The following PCDHA6 variants were observed in gnomAD, a reference collection of about 807,000 sequenced individuals.
PCDHA6 encodes protocadherin alpha-6.
A neutral mutation model predicts 60.3 loss-of-function variants in PCDHA6; 55 were observed. That is an observed-to-expected ratio of 0.91 (90% CI 0.73 to 1.14). The LOEUF (loss-of-function observed/expected upper bound fraction) is 1.14. Among genes scored for constraint, PCDHA6 ranks in the 50% most tolerant of loss-of-function variants. The pLI, the probability that PCDHA6 is intolerant of heterozygous loss-of-function variation, is 0.00. For missense variants in PCDHA6, 1,327 were observed against 1,256.5 expected (o/e 1.06, Z -0.85); for synonymous variants, 652 against 557.9 (o/e 1.17, Z -2.38).
chr5:140,862,825 C>G (rs782012901), intron 1 of PCDHA6: 2 of 572,056 alleles, frequency 3.5e-6, no homozygotes, highest in South Asian at 2.7e-5. Flanking sequence ...GGTGAGAGCG[C>G]GCGACGCGGG....
intron 1 of PCDHA6, chr5:140,968,545 G>C: frequency 6.2e-7 from 1 of 1,614,182 alleles, no homozygotes; most frequent in Non-Finnish European, 8.5e-7. Flanking sequence ...CCTTCGAGAT[G>C]GTGCCTCGAA....
intron 1 of PCDHA6, among the ~76,000 whole-genome samples, chr5:140,916,262 G>C (rs1379588605): frequency 6.6e-6 from 1 of 152,202 alleles, no homozygotes; most frequent in Non-Finnish European, 1.5e-5. Flanking sequence ...GACCCCAAGA[G>C]CATGCTTGTT....
Position 140,829,769 on chromosome 5 carries a change from G to T in PCDHA6, c.1678G>T (p.Asp560Tyr). The T allele has an allele frequency of 1.2e-6, 2 of 1,613,778 alleles. No homozygotes were observed. The highest frequency in any genetic ancestry group is 8.5e-7 in the Non-Finnish European group (1 of 1,179,878). ...GCAGGTGTTCGTGCTGGACGAGAAC[G>T]ACAACGCGCCGGCGCTGCTGGCGCC... ...TLQVFVLDENDNAPALLAPRV... is the reference protein window; with the variant it reads ...TLQVFVLDENYNAPALLAPRV... The change falls in exon 1 of 4, where the codon GAC becomes TAC. Residue 560 changes from aspartate to tyrosine, a missense_variant. By Grantham distance (160) the Asp-to-Tyr change is radical. Coordinates refer to ENST00000529310, the MANE Select transcript of PCDHA6 (RefSeq NM_018909.4).
intron 1 of PCDHA6, among the ~76,000 whole-genome samples, chr5:140,939,502 T>A (rs781895675): frequency 2.7e-5 from 4 of 150,818 alleles, no homozygotes; most frequent in Non-Finnish European, 5.9e-5. Flanking sequence ...AAATTCAATG[T>A]CTATAACATT....
chr5:140,905,809 A>C (rs1349964349), intron 1 of PCDHA6, among the ~76,000 whole-genome samples: 1 of 152,184 alleles, frequency 6.6e-6, no homozygotes, highest in East Asian at 1.9e-4. Context: ...GGACAGAATT[A>C]ATAGGCTAGA....
Position 140,830,288 on chromosome 5 carries a change from A to T in PCDHA6, c.2197A>T (p.Thr733Ser). Residue 733 changes from threonine to serine, a missense_variant, in exon 1 of 4, where the codon ACG (threonine) becomes TCG (serine). Thr to Ser is a moderately conservative substitution (Grantham distance 58). Transcript: ENST00000529310. ...CSAPPTEGAC[T>S]ADKPTLVCSS... The stretch of plus-strand genomic sequence containing the variant: ...GGCGCCACCCACCGAGGGCGCGTGC[A>T]CGGCGGACAAGCCCACGCTGGTGTG... The T allele has an allele frequency of 6.2e-7, 1 of 1,613,814 alleles. No individual in the cohort carries two copies. Among genetic ancestry groups the T allele is most frequent in the Non-Finnish European group, 8.5e-7 (1 of 1,179,856 alleles).
chr5:140,834,395 G>C, intron 1 of PCDHA6: 1 of 1,598,712 alleles, frequency 6.3e-7, no homozygotes, highest in Non-Finnish European at 8.5e-7. Flanking sequence ...TGGTGTGCCC[G>C]AATGGATACG....
rs2150253350 is a variant in PCDHA6 at position 140,836,122 on chromosome 5, T to C, written c.2394+5637T>C. Reference sequence around the variant, plus strand: ...GGCACTGGTGGCGCAGTGAGAGAGCTTGTGCCGCGGTCTGTGGGCGCGGGC... The same window carrying C: ...GGCACTGGTGGCGCAGTGAGAGAGCCTGTGCCGCGGTCTGTGGGCGCGGGC... On this transcript the variant is annotated intron_variant, in intron 1 of 3. Transcript: ENST00000529310. 2.0e-5 allele frequency: 32 copies of C among 1,613,580 alleles called. 2 individuals are homozygous for C. The Admixed American group carries it at 3.3e-4, about 17-fold the overall frequency.
At chr5:140,849,071 T>C (rs2150430032) in intron 1 of PCDHA6, 1 of 1,532,554 alleles carries the variant, frequency 6.5e-7, no homozygotes, top group Non-Finnish European at 8.9e-7. Flanking sequence ...TAAAACCTCT[T>C]GGACTTGTAT....
intron 1 of PCDHA6, chr5:140,851,113 A>C: frequency 1.5e-6 from 2 of 1,303,480 alleles, no homozygotes; most frequent in East Asian, 5.4e-5. Context: ...GTGCTGAATC[A>C]ATTTTATTTA....
chr5:140,967,659 G>A, intron 1 of PCDHA6: 1 of 1,614,218 alleles, frequency 6.2e-7, no homozygotes, highest in Non-Finnish European at 8.5e-7. Flanking sequence ...TCCTTGAGCA[G>A]CTACACGTCG....
intron 1 of PCDHA6, among the ~76,000 whole-genome samples, chr5:140,946,772 TG>T (rs2094025159): frequency 6.6e-6 from 1 of 151,346 alleles, no homozygotes; most frequent in Non-Finnish European, 1.5e-5. Context: ...TCATGTGGAA[TG>T]TAAAAAAGCT....
chr5:140,875,651 T>C lies in PCDHA6; in HGVS notation c.2394+45166T>C, dbSNP rs782085221. 1.4e-5 allele frequency: 23 copies of C among 1,613,722 alleles called. No homozygotes were observed. The East Asian group carries it at 5.1e-4, about 36-fold the overall frequency. On this transcript the variant is annotated intron_variant, in intron 1 of 3. Transcript: ENST00000529310. The stretch of plus-strand genomic sequence containing the variant: ...CTGGGGCTGGAGCTGGCGGAGCTGG[T>C]GCCGCGCCTGTTCCGGGTGGCGTCC...
intron 1 of PCDHA6, among the ~76,000 whole-genome samples, chr5:140,941,602 A>G (rs1364169026): frequency 1.3e-5 from 2 of 151,994 alleles, no homozygotes; most frequent in African/African-American, 4.8e-5. Flanking sequence ...GCCATGAGCC[A>G]TGGTGCCCAG....
chr5:140,967,212 C>T, intron 1 of PCDHA6: 1 of 1,613,630 alleles, frequency 6.2e-7, no homozygotes, highest in Middle Eastern at 1.6e-4. Flanking sequence ...CCGCGTTTCC[C>T]GCGGCCCAAC....
chr5:140,869,010 T>C (rs919333995), intron 1 of PCDHA6: 3 of 1,523,768 alleles, frequency 2.0e-6, no homozygotes, highest in African/African-American at 2.8e-5. Flanking sequence ...CCTTTGAAAC[T>C]TCTTAAGAAT....
chr5:140,871,762 G>A (rs2053295572), intron 1 of PCDHA6, among the ~76,000 whole-genome samples: 1 of 152,200 alleles, frequency 6.6e-6, no homozygotes, highest in South Asian at 2.1e-4. Flanking sequence ...AGATGCAAGA[G>A]TGACTCTTCT....
At chr5:140,877,920 C>A in intron 1 of PCDHA6, 1 of 1,422,738 alleles carries the variant, frequency 7.0e-7, no homozygotes, top group Admixed American at 2.9e-5. Flanking sequence ...TCTCATTTTT[C>A]TTTATGATTC....
rs564411271 is a variant in PCDHA6, at chr5:140,916,111, G to A, written c.2395-62838G>A. 1.9e-3 allele frequency among the ~76,000 whole-genome samples: 289 copies of A among 152,268 alleles called. 1 individual carries two copies. The highest frequency in any genetic ancestry group is 6.6e-3 in the African/African-American group (274 of 41,540). ...ACAGGGAATCTGCCTGGCCACTGCT[G>A]ATGTTCACTTAAAGCTTAAGGGCTG... On this transcript the variant is annotated intron_variant, in intron 1 of 3. Coordinates refer to ENST00000529310, the MANE Select transcript of PCDHA6 (RefSeq NM_018909.4).
Sources: gnomAD v4.1 joint callset for allele counts (sites outside exome capture counted in the v4.1 genomes callset) on GRCh38, gnomAD v4.1.1 for gene constraint, MANE v1.5 for transcripts, NCBI Gene and HGNC (gene_info 2026-07-23, HGNC 2026-07-21) for gene names.